Variants in GABRB1 observed in about 807,000 individuals in gnomAD.
The protein encoded by GABRB1 is gamma-aminobutyric acid receptor subunit beta-1.
In GABRB1, 17 loss-of-function variants were observed where a neutral mutation model predicts 51.6. The ratio of observed to expected loss-of-function variants is 0.33; its 90% CI spans 0.23 to 0.49. GABRB1 has a LOEUF of 0.49. Ranked by LOEUF, GABRB1 falls within the 20% of genes least tolerant of loss-of-function variation. GABRB1 has a pLI of 0.99. For missense variants in GABRB1, 410 were observed against 600.6 expected, an observed-to-expected ratio of 0.68 and a Z score of 3.32; for synonymous variants, 247 against 218.9, an observed-to-expected ratio of 1.13 and a Z score of -1.14.
intron 4 of GABRB1, among the ~76,000 whole-genome samples, chr4:47,211,777 C>A (rs1720368615): frequency 6.6e-6 from 1 of 152,130 alleles, no homozygotes; most frequent in South Asian, 2.1e-4. Context: ...AGAAGCTGTG[C>A]CCTTTCCTTT....
chr4:47,024,121 T>C (rs1014045393), intron 1 of GABRB1, among the ~76,000 whole-genome samples: 1 of 152,008 alleles, frequency 6.6e-6, no homozygotes, highest in Non-Finnish European at 1.5e-5. Context: ...TTTTTGTTGT[T>C]GTTTTTTGTT....
At chr4:47,012,691 T>C (rs1261284527) in intron 1 of GABRB1, among the ~76,000 whole-genome samples, 3 of 152,224 alleles carry the variant, frequency 2.0e-5, no homozygotes, top group Non-Finnish European at 2.9e-5. Context: ...TGTCTCCAAG[T>C]GTTGACACAG....
chr4:47,210,700 C>G (rs1380267377), intron 4 of GABRB1, among the ~76,000 whole-genome samples: 1 of 151,954 alleles, frequency 6.6e-6, no homozygotes, highest in Non-Finnish European at 1.5e-5. Flanking sequence ...ATCAAAATGC[C>G]TTTATTAAAT....
At chr4:47,344,574 T>C (rs1726019878) in intron 5 of GABRB1, among the ~76,000 whole-genome samples, 1 of 152,192 alleles carries the variant, frequency 6.6e-6, no homozygotes, top group Admixed American at 6.5e-5. Context: ...TGACCACCTA[T>C]TGCATTCAGC....
chr4:47,237,058 T>A (rs868814898), intron 4 of GABRB1, among the ~76,000 whole-genome samples: 1 of 152,008 alleles, frequency 6.6e-6, no homozygotes, highest in Non-Finnish European at 1.5e-5. Flanking sequence ...AAATTATAAT[T>A]TCAACAATAA....
At chr4:47,034,997 G>T (rs1725489245) in intron 3 of GABRB1, among the ~76,000 whole-genome samples, 1 of 152,000 alleles carries the variant, frequency 6.6e-6, no homozygotes, top group African/African-American at 2.4e-5. Context: ...ATAACAAAGA[G>T]AATGGACAAT....
chr4:47,121,252 T>C (rs1715762305), intron 3 of GABRB1, among the ~76,000 whole-genome samples: 1 of 152,022 alleles, frequency 6.6e-6, no homozygotes, highest in Admixed American at 6.5e-5. Flanking sequence ...AGGAGTGAGT[T>C]TTAATGCAAA....
chr4:47,377,044 A>G (rs1456885439), intron 5 of GABRB1, among the ~76,000 whole-genome samples: 2 of 38,162 alleles, frequency 5.2e-5, no homozygotes, highest in South Asian at 1.3e-3. Flanking sequence ...CTTTCAGGAT[A>G]AAAAAAAAGG....
intron 4 of GABRB1, among the ~76,000 whole-genome samples, chr4:47,253,178 C>A (rs1216515840): frequency 6.6e-6 from 1 of 152,100 alleles, no homozygotes; most frequent in Non-Finnish European, 1.5e-5. Flanking sequence ...AACAGATATA[C>A]TATAAAGGAA....
chr4:47,254,424 G>C (rs1352696640), intron 4 of GABRB1, among the ~76,000 whole-genome samples: 2 of 125,804 alleles, frequency 1.6e-5, no homozygotes, highest in East Asian at 4.9e-4. Flanking sequence ...GCCCAGGCTC[G>C]AGTGCAGTGG....
intron 4 of GABRB1, among the ~76,000 whole-genome samples, chr4:47,204,513 A>G (rs991917749): frequency 1.3e-5 from 2 of 151,986 alleles, no homozygotes; most frequent in Non-Finnish European, 2.9e-5. Context: ...ACCCTAACCC[A>G]AACATACTTG....
chr4:47,193,724 T>C (rs1179461849), intron 4 of GABRB1, among the ~76,000 whole-genome samples: 1 of 152,220 alleles, frequency 6.6e-6, no homozygotes, highest in Non-Finnish European at 1.5e-5. Context: ...ATCAATATAA[T>C]AACTTTGTGC....
At chr4:47,383,327 T>G (rs1727657562) in intron 5 of GABRB1, among the ~76,000 whole-genome samples, 1 of 152,154 alleles carries the variant, frequency 6.6e-6, no homozygotes, top group African/African-American at 2.4e-5. Flanking sequence ...TATTGGAGGT[T>G]GTGTGCAATA....
At chr4:47,377,089 T>C (rs894021177) in intron 5 of GABRB1, among the ~76,000 whole-genome samples, 1 of 152,230 alleles carries the variant, frequency 6.6e-6, no homozygotes, top group African/African-American at 2.4e-5. Context: ...TAACAAAAGT[T>C]CATTACAGTG....
At chr4:47,136,548 T>C (rs1200600080) in intron 3 of GABRB1, among the ~76,000 whole-genome samples, 1 of 151,778 alleles carries the variant, frequency 6.6e-6, no homozygotes, top group Non-Finnish European at 1.5e-5. Context: ...AAAGAATGAA[T>C]CAAAATACTG....
At chr4:47,189,753 A>G (rs1719357076) in intron 4 of GABRB1, among the ~76,000 whole-genome samples, 1 of 152,042 alleles carries the variant, frequency 6.6e-6, no homozygotes, top group African/African-American at 2.4e-5. Context: ...TTCAAGGTAG[A>G]GTACCTGTTT....
rs199808113 is a variant in GABRB1 at position 47,070,026 on chromosome 4, G to GTTTT, written c.240+37550_240+37553dup. ...CTTGCCCTTCTTTTTCGTTGTTGCTGTTTTTTTTTTTCTTTTCTTTTCTTT... is the reference window on the plus strand; with the variant it reads ...CTTGCCCTTCTTTTTCGTTGTTGCTGTTTTTTTTTTTTTTTCTTTTCTTTTCTTT... On this transcript the variant is annotated intron_variant, in intron 3 of 8. Coordinates refer to ENST00000295454, the MANE Select transcript of GABRB1 (RefSeq NM_000812.4). 4.8e-5 allele frequency among the ~76,000 whole-genome samples: 7 copies of GTTTT among 145,612 alleles called. No individual in the cohort carries two copies. In the South Asian group the frequency reaches 1.1e-3, roughly 23 times the overall value.
At chr4:47,204,588 G>A (rs548711215) in intron 4 of GABRB1, among the ~76,000 whole-genome samples, 20 of 152,144 alleles carry the variant, frequency 1.3e-4, no homozygotes, top group Non-Finnish European at 2.2e-4. Flanking sequence ...CAATCCCCAC[G>A]TGTCTTGGAG....
At chr4:47,157,490 G>A (rs556867430) in intron 3 of GABRB1, among the ~76,000 whole-genome samples, 3 of 151,862 alleles carry the variant, frequency 2.0e-5, no homozygotes, top group African/African-American at 4.8e-5. Context: ...ATTAAGGGAC[G>A]GATAAAAAAA....
Sources: allele counts gnomAD v4.1 joint callset (sites outside exome capture counted in the v4.1 genomes callset), GRCh38; gene constraint gnomAD v4.1.1; transcripts MANE v1.5; gene names NCBI Gene and HGNC (gene_info 2026-07-23, HGNC 2026-07-21).